DAGLA: variants seen among roughly 807,000 people sequenced by gnomAD.
DAGLA encodes diacylglycerol lipase alpha, also known as diacylglycerol lipase-alpha.
In DAGLA, 22 loss-of-function variants were observed where a neutral mutation model predicts 102.6. The observed-to-expected ratio is 0.21, with a 90% CI of 0.15 to 0.31. The LOEUF (loss-of-function observed/expected upper bound fraction) is 0.31, where lower values mean the gene tolerates loss of function less well. DAGLA is among the 10% of genes least tolerant of loss of function. The pLI is 1.00. For synonymous variants in DAGLA, 578 were observed against 628.9 expected (o/e 0.92, Z 1.21); for missense variants, 927 against 1,446.6 (o/e 0.64, Z 5.83).
chr11:61,719,205 C>T (rs1269592604), intron 1 of DAGLA, among the ~76,000 whole-genome samples: 1 of 152,220 alleles, frequency 6.6e-6, no homozygotes, highest in Non-Finnish European at 1.5e-5. Flanking sequence ...AGTTCCTGGG[C>T]ACTCTTTCCT....
chr11:61,705,025 T>A (rs745724437), intron 1 of DAGLA, among the ~76,000 whole-genome samples: 1 of 152,036 alleles, frequency 6.6e-6, no homozygotes, highest in Non-Finnish European at 1.5e-5. Flanking sequence ...GGGACTGGGC[T>A]GAGCTGAGAC....
intron 1 of DAGLA, among the ~76,000 whole-genome samples, chr11:61,706,520 A>T (rs2135565904): frequency 6.6e-6 from 1 of 152,204 alleles, no homozygotes. Context: ...GGTGGGCTCT[A>T]ACCTGTGAGG....
intron 1 of DAGLA, among the ~76,000 whole-genome samples, chr11:61,711,411 G>C (rs546155659): frequency 4.7e-4 from 71 of 152,364 alleles, no homozygotes; most frequent in African/African-American, 1.5e-3. Context: ...ACCTGGTCTG[G>C]CCAGAGCCTG....
chr11:61,706,401 C>A (rs1445702226), intron 1 of DAGLA, among the ~76,000 whole-genome samples: 1 of 152,210 alleles, frequency 6.6e-6, no homozygotes, highest in East Asian at 1.9e-4. Context: ...GTCTGCACCC[C>A]ACCCATGAAC....
At chr11:61,741,514 A>G (rs1448096726) in intron 19 of DAGLA, among the ~76,000 whole-genome samples, 165 bp downstream of exon 19, 1 of 151,972 alleles carries the variant, frequency 6.6e-6, no homozygotes, top group East Asian at 1.9e-4. Flanking sequence ...GCTGTGCTCC[A>G]GCTGTCCCAC....
intron 19 of DAGLA, 132 bp from the exon 20 acceptor site, chr11:61,743,400 C>G (rs2065499256): frequency 1.6e-6 from 1 of 631,234 alleles, no homozygotes. Flanking sequence ...GCATTCCCTG[C>G]TGCACATCAT....
intron 4 of DAGLA, among the ~76,000 whole-genome samples, chr11:61,723,209 C>T (rs1336781191): frequency 6.6e-6 from 1 of 152,174 alleles, no homozygotes; most frequent in Non-Finnish European, 1.5e-5. Flanking sequence ...CTTGGAAACC[C>T]ACAGAGCTGC....
Position 61,743,629 on chromosome 11 carries a change from C to T in DAGLA, c.2269C>T (p.Leu757=), listed in dbSNP as rs745950781. 42 of 1,591,346 alleles carry T rather than the reference C, an allele frequency of 2.6e-5. 2 individuals carry two copies. The highest frequency in any genetic ancestry group is 3.1e-5 in the Non-Finnish European group (36 of 1,172,652). Residue 757 remains leucine, a synonymous_variant, in exon 20 of 20, where the codon CTG becomes TTG. Transcript: ENST00000257215. ...AAAARQDPVE[L]LLLSTQERLA... is the part of the protein sequence containing the mutation. ...GGCGGCCCGCCAGGACCCGGTGGAG[C>T]TGCTGCTGCTGTCTACCCAGGAGCG...
intron 1 of DAGLA, among the ~76,000 whole-genome samples, chr11:61,687,684 CAGAG>C (rs2064997005): frequency 6.6e-6 from 1 of 152,244 alleles, no homozygotes; most frequent in South Asian, 2.1e-4. Context: ...TGGCGCCCCT[CAGAG>C]AGAGCATGTG....
rs1184676522 is a variant in DAGLA at position 61,736,166 on chromosome 11, G to C, written c.1291-104G>C. On this transcript the variant is annotated intron_variant, in intron 12 of 19. Transcript: ENST00000257215. ...CAGCTGGGTTGTCACGAGGCCCAAAGGGAAAAATGGATGGGGCAGGGTTCC... is the reference window on the plus strand; with the variant it reads ...CAGCTGGGTTGTCACGAGGCCCAAACGGAAAAATGGATGGGGCAGGGTTCC... 8 of 974,024 alleles carry C rather than the reference G, an allele frequency of 8.2e-6. No homozygotes were observed. In the Admixed American group the frequency reaches 1.3e-4, roughly 16 times the overall value. The allele number at this position is 974,024 out of a possible 1,614,324, so 60.3% of individuals were successfully genotyped here.
In DAGLA at chr11:61,744,249, G is replaced by T; in HGVS notation, c.2889G>T (p.Gln963His). 1 of 1,613,062 alleles carries T rather than the reference G, an allele frequency of 6.2e-7. No homozygotes were observed. The highest frequency in any genetic ancestry group is 8.5e-7 in the Non-Finnish European group (1 of 1,179,968). The change falls in exon 20 of 20, where the codon CAG becomes CAT. Residue 963 changes from glutamine to histidine, a missense_variant. Physicochemically the swap from Gln to His is conservative, Grantham distance 24 (BLOSUM62 0). This residue lies in a region of DAGLA where 434 missense variants were observed against 503.3 expected (regional missense o/e 0.86). Coordinates refer to ENST00000257215, the MANE Select transcript of DAGLA (RefSeq NM_006133.3). ...PSQQEILLRA[Q>H]FEPNLVPKPP... Reference sequence around the variant, plus strand: ...AGCAAGAGATCCTGCTCCGTGCCCAGTTCGAGCCCAACCTGGTGCCCAAGC... The same window carrying T: ...AGCAAGAGATCCTGCTCCGTGCCCATTTCGAGCCCAACCTGGTGCCCAAGC...
chr11:61,705,553 A>G (rs2065142035), intron 1 of DAGLA, among the ~76,000 whole-genome samples: 1 of 152,166 alleles, frequency 6.6e-6, no homozygotes, highest in African/African-American at 2.4e-5. Flanking sequence ...AAACAGCTCC[A>G]GCTCCTAGTT....
In DAGLA at chr11:61,743,515, C is replaced by G. The variant is rs1338386762; in HGVS notation, c.2172-17C>G. On this transcript the variant is annotated splice_polypyrimidine_tract_variant and intron_variant, in intron 19 of 19. Transcript: ENST00000257215. ...CCTTCTGAGTCTTATACCCCCTGCT[C>G]TCCTCTCCCTCTGCAGGAGCAAGTC... 2 of 1,503,364 alleles carry G rather than the reference C, an allele frequency of 1.3e-6. No homozygotes were observed. The highest frequency in any genetic ancestry group is 2.0e-4 in the Middle Eastern group (1 of 5,002). 93.1% of individuals were successfully genotyped at this position (1,503,364 alleles called of 1,614,324 possible). A position where few individuals can be genotyped will look rare whatever the true frequency, so the allele number is the denominator to read the frequency against.
rs777089277 is a variant in DAGLA, at chr11:61,735,826, G to A, written c.1290+10G>A. On this transcript the variant is annotated intron_variant, in intron 12 of 19. Transcript: ENST00000257215. Reference sequence around the variant, plus strand: ...CTGGCTGGGCCACAAGGTAACCCACGTCATGGACCCCAGGGCCCCTGGGCT... The same window carrying A: ...CTGGCTGGGCCACAAGGTAACCCACATCATGGACCCCAGGGCCCCTGGGCT... The A allele has an allele frequency of 8.1e-6, 13 of 1,604,044 alleles. No homozygotes were observed. In the African/African-American group the frequency reaches 1.2e-4, roughly 15 times the overall value.
At position 61,726,044 on chromosome 11, in the gene DAGLA, G is replaced by A. The variant is rs1489564188; in HGVS notation, c.598G>A (p.Val200Met). 1.2e-6 allele frequency: 2 copies of A among 1,613,344 alleles called. No individual in the cohort carries two copies. The highest frequency in any genetic ancestry group is 1.7e-6 in the Non-Finnish European group (2 of 1,180,034). The change falls in exon 6 of 20, where the codon GTG (valine) becomes ATG (methionine). Residue 200 changes from valine to methionine, a missense_variant. Around this residue, in one of 4 missense-constraint regions of DAGLA, gnomAD observed 231 missense variants for 439.8 expected, o/e 0.53. Coordinates refer to ENST00000257215, the MANE Select transcript of DAGLA (RefSeq NM_006133.3). ...QATSWSRRLK[V>M]FLCCTRTKDS... ...CACCAGCTGGTCGCGCCGGCTCAAA[G>A]TGTTCCTCTGCTGCACGCGGACGAA...
chr11:61,688,280 A>G (rs1304707468), intron 1 of DAGLA, among the ~76,000 whole-genome samples: 2 of 147,986 alleles, frequency 1.4e-5, no homozygotes, highest in Non-Finnish European at 3.0e-5. Flanking sequence ...GTGCCACTGC[A>G]CTCCAGCCTG....
chr11:61,690,775 C>T lies in DAGLA; in HGVS notation c.-45+10271C>T, dbSNP rs534639428. ...TGGGGTTTGGGGATTCTGTGAGCCA[C>T]GGGAGGAACAGCCGCCCACAAAAGG... On this transcript the variant is annotated intron_variant, in intron 1 of 19. Transcript: ENST00000257215. Among the ~76,000 whole-genome samples, 32 of 152,252 alleles carry T rather than the reference C, an allele frequency of 2.1e-4. 1 individual carries two copies. The South Asian group carries it at 5.2e-3, about 25-fold the overall frequency.
intron 1 of DAGLA, among the ~76,000 whole-genome samples, chr11:61,681,456 G>A (rs2064941633): frequency 6.6e-6 from 1 of 152,116 alleles, no homozygotes; most frequent in South Asian, 2.1e-4. Flanking sequence ...CGGTGTCCCA[G>A]AATATGTCCT....
At chr11:61,698,913 G>A (rs947247972) in intron 1 of DAGLA, among the ~76,000 whole-genome samples, 1 of 152,218 alleles carries the variant, frequency 6.6e-6, no homozygotes, top group African/African-American at 2.4e-5. Context: ...ACACTGAGGA[G>A]TTCCCAGGGG....
Sources: gnomAD v4.1 joint callset for allele counts (sites outside exome capture counted in the v4.1 genomes callset) on GRCh38, gnomAD v4.1.1 for gene constraint, gnomAD v4.1.1 regional missense constraint, MANE v1.5 for transcripts, NCBI Gene and HGNC (gene_info 2026-07-23, HGNC 2026-07-21) for gene names.